Variants in OR5B3 observed in about 807,000 individuals in gnomAD.
The protein encoded by OR5B3 is olfactory receptor family 5 subfamily B member 3.
For synonymous variants in OR5B3, 150 were observed against 135.0 expected, an observed-to-expected ratio of 1.11 and a Z score of -0.77; for missense variants, 430 against 375.4, an observed-to-expected ratio of 1.15 and a Z score of -1.20.
At chr11:58,406,265 G>A (rs1017268281) in intron 1 of OR5B3, among the ~76,000 whole-genome samples, 20 of 152,140 alleles carry the variant, frequency 1.3e-4, no homozygotes, top group Non-Finnish European at 4.4e-5. Flanking sequence ...GAAGTGATAT[G>A]ATGCTCCAAA....
rs894748042 is a variant in OR5B3 at position 58,403,258 on chromosome 11, G to A, written c.152C>T (p.Ser51Phe). The A allele has an allele frequency of 1.2e-6, 2 of 1,613,596 alleles. No homozygotes were observed. Among genetic ancestry groups the A allele is most frequent in the African/African-American group, 1.3e-5 (1 of 74,900 alleles). ...AAAGTACATGGGATTGTGGAGACAG[G>A]AATCCCAGAATATCAATACAATAAT... ...LGIIVLIFWD[S>F]CLHNPMYFFL... is the part of the protein sequence containing the mutation. The change falls in exon 2 of 2, where the codon TCC becomes TTC. Residue 51 changes from serine (S) to phenylalanine (F), a missense_variant. Ser to Phe is a radical substitution (Grantham distance 155). Coordinates refer to ENST00000641865, the MANE Select transcript of OR5B3 (RefSeq NM_001005469.2).
At chr11:58,403,520 G>T in intron 1 of OR5B3, 85 bp from the exon 2 acceptor site, 1 of 613,770 alleles carries the variant, frequency 1.6e-6, no homozygotes, top group Non-Finnish European at 2.7e-6. Flanking sequence ...TTCCTTCATT[G>T]TAGCAATAAC....
At chr11:58,403,559 G>A (rs778780890) in intron 1 of OR5B3, 124 bp from the exon 2 acceptor site, 53 of 523,688 alleles carry the variant, frequency 1.0e-4, no homozygotes, top group South Asian at 1.6e-4. Flanking sequence ...TAGAAAAAGC[G>A]CGGCCTTGAC....
At chr11:58,406,523 C>A (rs534587033) in intron 1 of OR5B3, among the ~76,000 whole-genome samples, 2 of 151,266 alleles carry the variant, frequency 1.3e-5, no homozygotes, top group African/African-American at 4.9e-5. Flanking sequence ...TCATGAGAAA[C>A]CAATATATAA....
At chr11:58,404,077 A>G (rs1361732638) in intron 1 of OR5B3, among the ~76,000 whole-genome samples, 1 of 152,136 alleles carries the variant, frequency 6.6e-6, no homozygotes, top group Non-Finnish European at 1.5e-5. Flanking sequence ...TTTGAGTTTC[A>G]CAATGAAGTA....
chr11:58,402,993 A>T lies in OR5B3; in HGVS notation c.417T>A (p.Cys139Ter). Residue 139 changes from cysteine to a stop codon, truncating the protein, a stop_gained, in exon 2 of 2, where the codon TGT becomes TGA. Coordinates refer to ENST00000641865, the MANE Select transcript of OR5B3 (RefSeq NM_001005469.2). LOFTEE classifies it low-confidence loss of function (END_TRUNC). ...HYTTTMTTTV[C>*]ARLAIGSYLC... ...GGTAGGAGCCTATGGCCAGACGAGC[A>T]CACACAGTTGTTGTCATGGTTGTGG... is the stretch of plus-strand genomic sequence containing the variant. The T allele has an allele frequency of 1.9e-6, 3 of 1,614,102 alleles. No homozygotes were observed. The highest frequency in any genetic ancestry group is 2.5e-6 in the Non-Finnish European group (3 of 1,179,988).
At chr11:58,406,195 GAA>G (rs1212253378) in intron 1 of OR5B3, among the ~76,000 whole-genome samples, 3 of 134,664 alleles carry the variant, frequency 2.2e-5, no homozygotes, top group African/African-American at 8.0e-5. Flanking sequence ...GTGTGAGAGA[GAA>G]AGAGAGAGAG....
At chr11:58,403,626 T>G (rs1855065750) in intron 1 of OR5B3, among the ~76,000 whole-genome samples, 191 bp from the exon 2 acceptor site, 1 of 152,054 alleles carries the variant, frequency 6.6e-6, no homozygotes, top group South Asian at 2.1e-4. Flanking sequence ...CTGAAGAATC[T>G]TAGTAGATTA....
At chr11:58,406,741 C>T (rs1855104840) in intron 1 of OR5B3, 60 bp downstream of exon 1, 1 of 152,140 alleles carries the variant, frequency 6.6e-6, no homozygotes, top group African/African-American at 2.4e-5. Flanking sequence ...TATAGCTGCC[C>T]CACTGCTTTT....
chr11:58,406,166 C>A lies in OR5B3; in HGVS notation c.-27+635G>T, dbSNP rs191131244. Among the ~76,000 whole-genome samples, 37 of 146,662 alleles carry A rather than the reference C, an allele frequency of 2.5e-4. No homozygotes were observed. In the Middle Eastern group the frequency reaches 0.017, roughly 69 times the overall value. On this transcript the variant is annotated intron_variant, in intron 1 of 1. Transcript: ENST00000641865. ...TATATAAATAATGTGTGTGTATATG[C>A]GTGTGTGCGCATGTGTGTGTGTGAG...
Position 58,403,322 on chromosome 11 carries a change from G to C in OR5B3, c.88C>G (p.Pro30Ala). The C allele has an allele frequency of 6.2e-7, 1 of 1,612,658 alleles. No homozygotes were observed. Among genetic ancestry groups the C allele is most frequent in the Non-Finnish European group, 8.5e-7 (1 of 1,178,930 alleles). ...ELQVPLFITF[P>A]FIYIITLVGN... The stretch of plus-strand genomic sequence containing the variant: ...ACCAGAGTGATAATATAGATGAAGG[G>C]GAACGTTATAAAGAGGGGAACCTGC... The change falls in exon 2 of 2, where the codon CCC (proline) becomes GCC (alanine). Residue 30 changes from proline to alanine, a missense_variant. Physicochemically the swap from Pro to Ala is conservative, Grantham distance 27. Transcript: ENST00000641865.
chr11:58,402,677 C>A lies in OR5B3; in HGVS notation c.733G>T (p.Ala245Ser). Residue 245 changes from alanine to serine, a missense_variant, in exon 2 of 2, where the codon GCA becomes TCA. Physicochemically the swap from Ala to Ser is moderately conservative, Grantham distance 99. Transcript: ENST00000641865. ...PLSTCASHFI[A>S]VGIFYGTIIF... is the part of the protein sequence containing the mutation. ...ATAGTCCCATAGAAGATGCCGACTG[C>A]AATGAAATGAGAGGCACAGGTGGAC... The A allele has an allele frequency of 1.2e-6, 2 of 1,613,778 alleles. No homozygotes were observed. The highest frequency in any genetic ancestry group is 1.7e-6 in the Non-Finnish European group (2 of 1,179,836).
Position 58,402,870 on chromosome 11 carries a change from T to C in OR5B3, c.540A>G (p.Pro180=), listed in dbSNP as rs899397792. 6.2e-7 allele frequency: 1 copy of C among 1,613,970 alleles called. No homozygotes were observed. The highest frequency in any genetic ancestry group is 1.3e-5 in the African/African-American group (1 of 75,032). ...CAGAGCAAGAGAGAACCATGACTGCTGGAATATCACAGAAAAAGTGATGGA... is the reference window on the plus strand; with the variant it reads ...CAGAGCAAGAGAGAACCATGACTGCCGGAATATCACAGAAAAAGTGATGGA... ...NEVHHFFCDI[P]AVMVLSCSDR... The change falls in exon 2 of 2, where the codon CCA becomes CCG. Residue 180 remains proline, a synonymous_variant. Coordinates refer to ENST00000641865, the MANE Select transcript of OR5B3 (RefSeq NM_001005469.2).
chr11:58,405,353 C>T (rs1472142845), intron 1 of OR5B3, among the ~76,000 whole-genome samples: 2 of 152,044 alleles, frequency 1.3e-5, no homozygotes, highest in Non-Finnish European at 2.9e-5. Context: ...AACCTAAATG[C>T]CCATCAATGA....
rs906673285 is a variant in OR5B3 at position 58,402,706 on chromosome 11, G to A, written c.704C>T (p.Pro235Leu). Residue 235 changes from proline to leucine, a missense_variant, in exon 2 of 2, where the codon CCT (proline) becomes CTT (leucine). Physicochemically the swap from Pro to Leu is moderately conservative, Grantham distance 98. Transcript: ENST00000641865. ...KMHSASVYQK[P>L]LSTCASHFIA... ...GAAATGAGAGGCACAGGTGGACAAA[G>A]GCTTCTGGTATACTGAAGCTGAGTG... 6.2e-7 allele frequency: 1 copy of A among 1,613,680 alleles called. No individual in the cohort carries two copies.
rs1171817123 is a variant in OR5B3 at position 58,403,016 on chromosome 11, T to TG, written c.393dup (p.Thr132HisfsTer32). ...GCACACACAGTTGTTGTCATGGTTGTGGTGTAATGTAGGGGTTTGCACACT... is the reference window on the plus strand; with the variant it reads ...GCACACACAGTTGTTGTCATGGTTGTGGGTGTAATGTAGGGGTTTGCACACT... On this transcript the variant is annotated frameshift_variant, in exon 2 of 2. Transcript: ENST00000641865. LOFTEE classifies it low-confidence loss of function (END_TRUNC). The TG allele has an allele frequency of 1.2e-6, 2 of 1,614,058 alleles. No homozygotes were observed. Among genetic ancestry groups the TG allele is most frequent in the Admixed American group, 3.3e-5 (2 of 60,002 alleles).
intron 1 of OR5B3, among the ~76,000 whole-genome samples, chr11:58,405,613 AGGAG>A (rs1190288022): frequency 6.6e-6 from 1 of 152,132 alleles, no homozygotes; most frequent in Non-Finnish European, 1.5e-5. Flanking sequence ...GGTGGGTAGG[AGGAG>A]GGAGAGCATC....
rs747039099 is a variant in OR5B3 at position 58,402,667 on chromosome 11, A to T, written c.743T>A (p.Ile248Asn). 15 of 1,613,852 alleles carry T rather than the reference A, an allele frequency of 9.3e-6. No homozygotes were observed. The African/African-American group carries it at 1.7e-4, about 19-fold the overall frequency. ...CATGAAGATAATAGTCCCATAGAAG[A>T]TGCCGACTGCAATGAAATGAGAGGC... ...TCASHFIAVG[I>N]FYGTIIFMYL... Residue 248 changes from isoleucine to asparagine, a missense_variant, in exon 2 of 2, where the codon ATC becomes AAC. By Grantham distance (149) the Ile-to-Asn change is moderately radical. Coordinates refer to ENST00000641865, the MANE Select transcript of OR5B3 (RefSeq NM_001005469.2).
rs1392287816 is a variant in OR5B3 at position 58,402,651 on chromosome 11, A to G, written c.759T>C (p.Ile253=). 4.3e-6 allele frequency: 7 copies of G among 1,613,870 alleles called. No individual in the cohort carries two copies. Among genetic ancestry groups the G allele is most frequent in the Non-Finnish European group, 2.5e-6 (3 of 1,179,918 alleles). The part of the protein sequence containing the change: ...FIAVGIFYGT[I]IFMYLQPSSS... ...AGCTGGGTTGTAAGTACATGAAGAT[A>G]ATAGTCCCATAGAAGATGCCGACTG... The change falls in exon 2 of 2, where the codon ATT becomes ATC. Residue 253 remains isoleucine (I), a synonymous_variant. Transcript: ENST00000641865.
Sources: gnomAD v4.1 joint callset for allele counts (sites outside exome capture counted in the v4.1 genomes callset) on GRCh38, gnomAD v4.1.1 for gene constraint, MANE v1.5 for transcripts, NCBI Gene and HGNC (gene_info 2026-07-23, HGNC 2026-07-21) for gene names.